MLLT10: variants seen among roughly 807,000 people sequenced by gnomAD.
MLLT10 encodes MLLT10 histone lysine methyltransferase DOT1L cofactor.
In MLLT10, 30 loss-of-function variants were observed where a neutral mutation model predicts 129.1. The ratio of observed to expected loss-of-function variants is 0.23; its 90% CI spans 0.17 to 0.32. The LOEUF (loss-of-function observed/expected upper bound fraction) is 0.32, where lower values mean the gene tolerates loss of function less well. Ranked by LOEUF, MLLT10 falls within the 10% of genes least tolerant of loss-of-function variation. The pLI, the probability that MLLT10 is intolerant of heterozygous loss-of-function variation, is 1.00. For missense variants in MLLT10, 1,119 were observed against 1,268.3 expected (o/e 0.88, Z 1.79); for synonymous variants, 490 against 446.4 (o/e 1.10, Z -1.23).
intron 8 of MLLT10, among the ~76,000 whole-genome samples, chr10:21,627,993 C>T (rs937139198): frequency 7.2e-5 from 11 of 152,176 alleles, no homozygotes; most frequent in Admixed American, 7.2e-4. Flanking sequence ...ATGAAGTATT[C>T]AGCTTCTTCC....
chr10:21,579,804 C>T (rs2041203950), intron 3 of MLLT10, among the ~76,000 whole-genome samples: 1 of 151,742 alleles, frequency 6.6e-6, no homozygotes, highest in South Asian at 2.1e-4. Flanking sequence ...CTCAGGTGAC[C>T]CACCCACCTC....
At chr10:21,671,958 A>G (rs1409196965) in intron 10 of MLLT10, among the ~76,000 whole-genome samples, 1 of 152,050 alleles carries the variant, frequency 6.6e-6, no homozygotes, top group Non-Finnish European at 1.5e-5. Flanking sequence ...GCCTCAAAAA[A>G]CAAACAAACA....
chr10:21,569,761 G>T (rs2131030406), intron 3 of MLLT10, among the ~76,000 whole-genome samples: 1 of 150,500 alleles, frequency 6.6e-6, no homozygotes, highest in Middle Eastern at 3.7e-3. Flanking sequence ...TAGAGACCGG[G>T]TCTTCCTGTG....
At position 21,713,850 on chromosome 10, in the gene MLLT10, G is replaced by T. The variant is rs1179986058; in HGVS notation, c.1778G>T (p.Ser593Ile). The T allele has an allele frequency of 1.2e-6, 2 of 1,614,072 alleles. No individual in the cohort carries two copies. The highest frequency in any genetic ancestry group is 1.7e-6 in the Non-Finnish European group (2 of 1,179,990). Residue 593 changes from serine (S) to isoleucine (I), a missense_variant, in exon 14 of 23, where the codon AGC becomes ATC. Transcript: ENST00000307729. ...TCGGGATCTAGTACTCCTGTCTCCAGCTCTCACTTACCTCAGCAGTCTTCT... is the reference window on the plus strand; with the variant it reads ...TCGGGATCTAGTACTCCTGTCTCCATCTCTCACTTACCTCAGCAGTCTTCT... ...SGSGSSTPVS[S>I]SHLPQQSSGH... is the part of the protein sequence containing the mutation.
intron 13 of MLLT10, among the ~76,000 whole-genome samples, chr10:21,685,718 C>CT (rs568375246): frequency 1.3e-3 from 194 of 152,246 alleles, no homozygotes; most frequent in African/African-American, 4.6e-3. Context: ...TGAAACAACT[C>CT]TATTACTTTA....
At chr10:21,622,929 C>T (rs574359679) in intron 8 of MLLT10, among the ~76,000 whole-genome samples, 3 of 152,182 alleles carry the variant, frequency 2.0e-5, no homozygotes, top group Non-Finnish European at 2.9e-5. Flanking sequence ...ACAACCTTCT[C>T]CTTAGATTAG....
chr10:21,649,759 G>T (rs577876555), intron 8 of MLLT10, among the ~76,000 whole-genome samples: 150 of 152,302 alleles, frequency 9.8e-4, no homozygotes, highest in African/African-American at 3.5e-3. Flanking sequence ...AAGCCATGAA[G>T]ACTTCTTAAA....
At chr10:21,569,997 C>G (rs1342578727) in intron 3 of MLLT10, among the ~76,000 whole-genome samples, 3 of 152,114 alleles carry the variant, frequency 2.0e-5, no homozygotes, top group African/African-American at 7.2e-5. Flanking sequence ...GCAATCTCTG[C>G]CTCCTGGCTT....
chr10:21,685,077 C>T (rs2053164300), intron 13 of MLLT10, among the ~76,000 whole-genome samples: 1 of 151,798 alleles, frequency 6.6e-6, no homozygotes, highest in Admixed American at 6.6e-5. Context: ...CTAATACTTC[C>T]TCCAATTGAT....
intron 3 of MLLT10, among the ~76,000 whole-genome samples, chr10:21,558,785 C>T (rs1208792470): frequency 6.6e-6 from 1 of 152,086 alleles, no homozygotes; most frequent in Non-Finnish European, 1.5e-5. Context: ...TGTCATAAAT[C>T]AGCTGTTAAT....
intron 3 of MLLT10, among the ~76,000 whole-genome samples, chr10:21,574,073 T>C (rs1456885906): frequency 6.6e-6 from 1 of 152,210 alleles, no homozygotes; most frequent in African/African-American, 2.4e-5. Context: ...GAGATTGATT[T>C]ATAGTGTTTG....
At chr10:21,627,889 A>G (rs1168063522) in intron 8 of MLLT10, among the ~76,000 whole-genome samples, 1 of 152,160 alleles carries the variant, frequency 6.6e-6, no homozygotes, top group African/African-American at 2.4e-5. Flanking sequence ...AATACCTAGA[A>G]ATCTCCTTGT....
rs61561146 is a variant in MLLT10, at chr10:21,593,926, TAAAAAAAA to T, written c.296-1380_296-1373del. On this transcript the variant is annotated intron_variant, in intron 4 of 22. Coordinates refer to ENST00000307729, the MANE Select transcript of MLLT10 (RefSeq NM_001195626.3). ...GGGCGACAGACCAAGGCTTTGTCTT[TAAAAAAAA>T]AAAAAAAAAAAAAAAAAAAAAAAAG... Among the ~76,000 whole-genome samples, 365 of 45,420 alleles carry T rather than the reference TAAAAAAAA, an allele frequency of 8.0e-3. 2 individuals carry two copies. Among genetic ancestry groups the T allele is most frequent in the African/African-American group, 0.037 (346 of 9,424 alleles). The allele number at this position is 45,420 out of a possible 152,430, so 29.8% of individuals were successfully genotyped here.
At chr10:21,660,248 G>A (rs547117856) in intron 9 of MLLT10, among the ~76,000 whole-genome samples, 7 of 151,192 alleles carry the variant, frequency 4.6e-5, no homozygotes, top group South Asian at 2.1e-4. Flanking sequence ...GATTACAGGC[G>A]TGAGCCACCA....
At chr10:21,736,007 T>C (rs912591612) in intron 21 of MLLT10, among the ~76,000 whole-genome samples, 1 of 152,224 alleles carries the variant, frequency 6.6e-6, no homozygotes, top group East Asian at 1.9e-4. Flanking sequence ...CTCATTCCAT[T>C]CTCTCACCCA....
chr10:21,665,309 G>C (rs1462926522), intron 9 of MLLT10, among the ~76,000 whole-genome samples: 8 of 141,304 alleles, frequency 5.7e-5, no homozygotes, highest in Non-Finnish European at 7.7e-5. Context: ...TTTGGGGGGG[G>C]GGGGGTTTCA....
intron 9 of MLLT10, among the ~76,000 whole-genome samples, chr10:21,657,040 C>A (rs1411534703): frequency 6.6e-6 from 1 of 152,102 alleles, no homozygotes; most frequent in Non-Finnish European, 1.5e-5. Flanking sequence ...TATAGTCTTT[C>A]TGAGCACTTC....
intron 14 of MLLT10, among the ~76,000 whole-genome samples, chr10:21,717,516 ACCACCT>A (rs2056693356): frequency 4.2e-4 from 9 of 21,264 alleles, no homozygotes; most frequent in South Asian, 2.8e-3. Context: ...CTCCTCCTCC[ACCACCT>A]CCTCCTCCTC....
intron 3 of MLLT10, among the ~76,000 whole-genome samples, chr10:21,580,362 T>C (rs2041270880): frequency 6.6e-6 from 1 of 151,416 alleles, no homozygotes; most frequent in African/African-American, 2.4e-5. Context: ...ACCATCCTTA[T>C]CACAGTCCTA....
Sources: gnomAD v4.1 joint callset for allele counts (sites outside exome capture counted in the v4.1 genomes callset) on GRCh38, gnomAD v4.1.1 for gene constraint, MANE v1.5 for transcripts, NCBI Gene and HGNC (gene_info 2026-07-23, HGNC 2026-07-21) for gene names.